The following PRKD1 variants were observed in gnomAD, a reference collection of about 807,000 sequenced individuals.
PRKD1 encodes serine/threonine-protein kinase D1.
In PRKD1, 63 loss-of-function variants were observed where a neutral mutation model predicts 95.9. The ratio of observed to expected loss-of-function variants is 0.66; its 90% CI spans 0.54 to 0.81. PRKD1 has a LOEUF of 0.81. Among genes scored for constraint, PRKD1 ranks in the 30% least tolerant of loss-of-function variants. The pLI is 0.00. For synonymous variants in PRKD1, 425 were observed against 423.1 expected, an observed-to-expected ratio of 1.00 and a Z score of -0.05; for missense variants, 1,048 against 1,165.3, an observed-to-expected ratio of 0.90 and a Z score of 1.47.
At chr14:29,837,151 C>A (rs1371662262) in intron 1 of PRKD1, among the ~76,000 whole-genome samples, 3 of 151,946 alleles carry the variant, frequency 2.0e-5, no homozygotes, top group Non-Finnish European at 2.9e-5. Context: ...AGAAGTATAC[C>A]AACTGTAAAA....
chr14:29,861,213 G>A (rs1892698462), intron 1 of PRKD1, among the ~76,000 whole-genome samples: 1 of 151,986 alleles, frequency 6.6e-6, no homozygotes, highest in African/African-American at 2.4e-5. Flanking sequence ...AAAAAAAATG[G>A]AATGGAGAAA....
At chr14:29,789,913 G>A (rs1008244509) in intron 1 of PRKD1, among the ~76,000 whole-genome samples, 6 of 151,936 alleles carry the variant, frequency 3.9e-5, no homozygotes, top group Admixed American at 3.3e-4. Flanking sequence ...AGCAAGCCAG[G>A]TGGATCAATC....
At chr14:29,801,265 G>T (rs1890015349) in intron 1 of PRKD1, among the ~76,000 whole-genome samples, 1 of 152,132 alleles carries the variant, frequency 6.6e-6, no homozygotes, top group South Asian at 2.1e-4. Context: ...ACATTATCAA[G>T]GCTAATGCCT....
At chr14:29,675,922 T>C (rs1241816607) in intron 2 of PRKD1, among the ~76,000 whole-genome samples, 1 of 135,854 alleles carries the variant, frequency 7.4e-6, no homozygotes, top group Non-Finnish European at 1.5e-5. Context: ...AGGTGGGAAT[T>C]GAACAATGAG....
At chr14:29,794,563 C>A (rs1468705715) in intron 1 of PRKD1, among the ~76,000 whole-genome samples, 1 of 152,026 alleles carries the variant, frequency 6.6e-6, no homozygotes, top group Non-Finnish European at 1.5e-5. Flanking sequence ...AAACAATTTA[C>A]AAAGCGTACT....
chr14:29,866,140 A>G (rs1892896916), intron 1 of PRKD1, among the ~76,000 whole-genome samples: 1 of 152,176 alleles, frequency 6.6e-6, no homozygotes, highest in Non-Finnish European at 1.5e-5. Context: ...GTGATACAGA[A>G]AAGCAGCCAT....
chr14:29,577,497 C>A (rs749971035), intron 17 of PRKD1, 41 bp from the exon 18 acceptor site: 3 of 1,553,308 alleles, frequency 1.9e-6, no homozygotes, highest in Non-Finnish European at 2.7e-6. Context: ...GAGATCATTA[C>A]AACTCAACAT....
intron 1 of PRKD1, among the ~76,000 whole-genome samples, chr14:29,911,012 G>A (rs1182640725): frequency 2.0e-5 from 3 of 152,082 alleles, no homozygotes; most frequent in African/African-American, 7.2e-5. Flanking sequence ...ACATAGAGAA[G>A]TTTAAGAGAA....
chr14:29,913,826 T>C (rs776062362), intron 1 of PRKD1, among the ~76,000 whole-genome samples: 7 of 152,194 alleles, frequency 4.6e-5, no homozygotes, highest in Non-Finnish European at 7.3e-5. Flanking sequence ...TATCTGAAGA[T>C]AAGGTTTACA....
intron 1 of PRKD1, among the ~76,000 whole-genome samples, chr14:29,746,502 T>C (rs775695544): frequency 1.3e-3 from 191 of 150,396 alleles, no homozygotes; most frequent in Admixed American, 2.2e-3. Flanking sequence ...TATCCTTCTA[T>C]TATTTATCTC....
chr14:29,603,909 A>G (rs1893610759), intron 13 of PRKD1, among the ~76,000 whole-genome samples: 1 of 152,192 alleles, frequency 6.6e-6, no homozygotes, highest in Non-Finnish European at 1.5e-5. Flanking sequence ...GTACAGGAAA[A>G]AATAGTGTCC....
intron 1 of PRKD1, among the ~76,000 whole-genome samples, chr14:29,890,520 CATAG>C (rs1893900678): frequency 6.6e-6 from 1 of 152,120 alleles, no homozygotes; most frequent in South Asian, 2.1e-4. Context: ...TAGATAGATA[CATAG>C]ATAGACGGAA....
At chr14:29,577,541 T>A in intron 17 of PRKD1, 85 bp from the exon 18 acceptor site, 1 of 1,288,302 alleles carries the variant, frequency 7.8e-7, no homozygotes, top group East Asian at 2.4e-5. Context: ...CTGCAATCTA[T>A]GAGTTACCCT....
At chr14:29,806,925 A>G (rs559962485) in intron 1 of PRKD1, among the ~76,000 whole-genome samples, 13 of 152,200 alleles carry the variant, frequency 8.5e-5, no homozygotes, top group Non-Finnish European at 1.6e-4. Flanking sequence ...TTGTCGCAAT[A>G]TGGCAAGTCA....
intron 13 of PRKD1, among the ~76,000 whole-genome samples, chr14:29,609,765 C>T (rs1205070147): frequency 7.3e-6 from 1 of 137,376 alleles, no homozygotes; most frequent in African/African-American, 2.7e-5. Context: ...CACTATGTTA[C>T]CCAGGCTGGT....
intron 1 of PRKD1, among the ~76,000 whole-genome samples, chr14:29,868,676 T>C: frequency 6.6e-6 from 1 of 152,200 alleles, no homozygotes. Context: ...ATAGGTTTAC[T>C]TGGAGTAAAG....
intron 1 of PRKD1, among the ~76,000 whole-genome samples, chr14:29,763,349 AGGAAGGAAGGAAGGAAGGAG>A (rs1555342532): frequency 8.3e-6 from 1 of 120,286 alleles, no homozygotes; most frequent in African/African-American, 3.3e-5. Context: ...GAACGAAGCA[AGGAAGGAAGGAAGGAAGGAG>A]GGAAGGAAGG....
intron 1 of PRKD1, among the ~76,000 whole-genome samples, chr14:29,815,481 AAAAAC>A (rs1309138484): frequency 1.3e-5 from 2 of 152,348 alleles, no homozygotes; most frequent in East Asian, 1.9e-4. Flanking sequence ...AAACTCATGA[AAAAAC>A]AAAACAAAAT....
chr14:29,831,061 T>C (rs886331369), intron 1 of PRKD1, among the ~76,000 whole-genome samples: 1 of 152,320 alleles, frequency 6.6e-6, no homozygotes, highest in African/African-American at 2.4e-5. Context: ...TTAATTCGGT[T>C]CATGAATTTA....
Sources: gnomAD v4.1 joint callset for allele counts (sites outside exome capture counted in the v4.1 genomes callset) on GRCh38, gnomAD v4.1.1 for gene constraint, MANE v1.5 for transcripts, NCBI Gene and HGNC (gene_info 2026-07-23, HGNC 2026-07-21) for gene names.